DCHS2: variants seen among roughly 807,000 people sequenced by gnomAD.
The protein encoded by DCHS2 is dachsous cadherin-related 2, also known as protocadherin-23.
In DCHS2, 142 loss-of-function variants were observed where a neutral mutation model predicts 182.4. That is an observed-to-expected ratio of 0.78 (90% CI 0.68 to 0.89). DCHS2 has a LOEUF of 0.89. Ranked by LOEUF, DCHS2 falls within the 40% of genes least tolerant of loss-of-function variation. The pLI is 0.00. For synonymous variants in DCHS2, 1,740 were observed against 1,663.3 expected, an observed-to-expected ratio of 1.05 and a Z score of -1.12; for missense variants, 4,319 against 4,198.6, an observed-to-expected ratio of 1.03 and a Z score of -0.79.
intron 15 of DCHS2, among the ~76,000 whole-genome samples, chr4:154,259,189 C>G (rs1560990840): frequency 1.3e-5 from 2 of 152,236 alleles, no homozygotes; most frequent in East Asian, 3.9e-4. Flanking sequence ...TGAAGTCTTA[C>G]ACTCCTCCTT....
intron 1 of DCHS2, among the ~76,000 whole-genome samples, chr4:154,416,006 A>C (rs1230698026): frequency 6.6e-6 from 1 of 152,158 alleles, no homozygotes; most frequent in African/African-American, 2.4e-5. Flanking sequence ...CTGTATACAA[A>C]ATTCTTGCAC....
intron 16 of DCHS2, 118 bp downstream of exon 16, chr4:154,255,401 C>T (rs1732606367): frequency 7.6e-7 from 1 of 1,321,204 alleles, no homozygotes; most frequent in Non-Finnish European, 9.9e-7. Flanking sequence ...CAAGTTGGAT[C>T]AAAGGGATAA....
chr4:154,469,758 G>A (rs1244097811), intron 1 of DCHS2, among the ~76,000 whole-genome samples: 3 of 152,002 alleles, frequency 2.0e-5, no homozygotes, highest in Non-Finnish European at 2.9e-5. Flanking sequence ...TTTCACCTTC[G>A]AAGTCATTCT....
chr4:154,254,943 AAACTT>A (rs1188679998), intron 16 of DCHS2, among the ~76,000 whole-genome samples: 8 of 152,228 alleles, frequency 5.3e-5, no homozygotes, highest in Non-Finnish European at 8.8e-5. Flanking sequence ...AACACCAAGA[AAACTT>A]AAACACTATT....
At chr4:154,255,692 A>C (rs1280974433) in intron 15 of DCHS2, 22 bp from the exon 16 acceptor site, 1 of 1,607,834 alleles carries the variant, frequency 6.2e-7, no homozygotes, top group Non-Finnish European at 8.5e-7. Flanking sequence ...CGACTGTTTC[A>C]TTAGATAAGA....
At chr4:154,288,091 A>G (rs1176981754) in intron 13 of DCHS2, among the ~76,000 whole-genome samples, 1 of 152,124 alleles carries the variant, frequency 6.6e-6, no homozygotes, top group African/African-American at 2.4e-5. Context: ...ATAACACTGA[A>G]TGTAACTGGA....
intron 3 of DCHS2, among the ~76,000 whole-genome samples, chr4:154,362,288 A>G (rs1730159897): frequency 6.6e-6 from 1 of 152,198 alleles, no homozygotes; most frequent in Non-Finnish European, 1.5e-5. Context: ...ACGTGGGGAT[A>G]GGCCATAGAG....
At chr4:154,346,944 A>G (rs769274980) in intron 3 of DCHS2, among the ~76,000 whole-genome samples, 2 of 151,852 alleles carry the variant, frequency 1.3e-5, no homozygotes, top group Non-Finnish European at 2.9e-5. Flanking sequence ...ATTTGTATGT[A>G]TCTAACTCTT....
intron 13 of DCHS2, among the ~76,000 whole-genome samples, chr4:154,279,961 G>C (rs1561007560): frequency 6.6e-6 from 1 of 151,714 alleles, no homozygotes; most frequent in Non-Finnish European, 1.5e-5. Context: ...TAATAAAATT[G>C]GCAAAGCCTT....
chr4:154,255,508 C>T lies in DCHS2; in HGVS notation c.6941+11G>A. On this transcript the variant is annotated intron_variant, in intron 16 of 19. Transcript: ENST00000357232. ...ATAAATGGAGCCAATGGATCTGAAC[C>T]CTGGACCAACCTGTAGGAGCTGGTG... is the stretch of plus-strand genomic sequence containing the variant. 6.2e-7 allele frequency: 1 copy of T among 1,612,230 alleles called. No homozygotes were observed. Among genetic ancestry groups the T allele is most frequent in the South Asian group, 1.1e-5 (1 of 90,530 alleles).
rs867130779 is a variant in DCHS2, at chr4:154,370,283, G to A, written c.2245-3842C>T. On this transcript the variant is annotated intron_variant, in intron 2 of 19. Transcript: ENST00000357232. Reference sequence around the variant, plus strand: ...AATAAAGAATCCCAGGTTATGGCACGACAGTAACCATGTAGAGAAAAGCAG... The same window carrying A: ...AATAAAGAATCCCAGGTTATGGCACAACAGTAACCATGTAGAGAAAAGCAG... Among the ~76,000 whole-genome samples, 5 of 152,100 alleles carry A rather than the reference G, an allele frequency of 3.3e-5. No individual in the cohort carries two copies. The South Asian group carries it at 6.2e-4, about 19-fold the overall frequency.
In DCHS2 at chr4:154,489,727, A is replaced by T. The variant is rs909327224; in HGVS notation, c.1629T>A (p.His543Gln). Residue 543 changes from histidine to glutamine, a missense_variant, in exon 1 of 20, where the codon CAT becomes CAA. Coordinates refer to ENST00000357232, the MANE Select transcript of DCHS2 (RefSeq NM_001358235.2). ...NDQPPLFSQQHYKASVSEAAA... is the reference protein window; with the variant it reads ...NDQPPLFSQQQYKASVSEAAA... ...CGGCCTCGGACACTGAGGCCTTGTA[A>T]TGCTGTTGGCTGAAGAGAGGTGGTT... The T allele has an allele frequency of 2.1e-5, 32 of 1,551,482 alleles. No homozygotes were observed. In the Admixed American group the frequency reaches 6.1e-4, roughly 29 times the overall value.
intron 13 of DCHS2, among the ~76,000 whole-genome samples, chr4:154,271,029 A>G (rs555758812): frequency 2.0e-4 from 30 of 152,254 alleles, no homozygotes; most frequent in African/African-American, 7.0e-4. Flanking sequence ...GACAAAAGAG[A>G]AGGAAGTCAT....
chr4:154,488,420 T>C (rs960970584), intron 1 of DCHS2, among the ~76,000 whole-genome samples: 2 of 152,112 alleles, frequency 1.3e-5, no homozygotes, highest in African/African-American at 4.8e-5. Context: ...TGCTAACTAA[T>C]AAAGATGACT....
chr4:154,298,100 T>C lies in DCHS2; in HGVS notation c.6214A>G (p.Thr2072Ala), dbSNP rs1187369577. The change falls in exon 13 of 20, where the codon ACT becomes GCT. Residue 2072 changes from threonine to alanine, a missense_variant. Coordinates refer to ENST00000357232, the MANE Select transcript of DCHS2 (RefSeq NM_001358235.2). ...GTCTCTGCAAAACTAAAAACCACAGTTCCATTGGGCCCCAAGTCCAGGTCA... is the reference window on the plus strand; with the variant it reads ...GTCTCTGCAAAACTAAAAACCACAGCTCCATTGGGCCCCAAGTCCAGGTCA... ...ADDLDLGPNG[T>A]VVFSFAETQS... The C allele has an allele frequency of 6.2e-7, 1 of 1,614,102 alleles. No individual in the cohort carries two copies. The highest frequency in any genetic ancestry group is 8.5e-7 in the Non-Finnish European group (1 of 1,180,026).
chr4:154,315,606 T>C, intron 10 of DCHS2, 142 bp downstream of exon 10: 2 of 1,254,974 alleles, frequency 1.6e-6, no homozygotes, highest in Admixed American at 2.7e-5. Flanking sequence ...TCTGTGTGGA[T>C]GCAAATGAAA....
chr4:154,341,091 G>A (rs1006130575), intron 3 of DCHS2, among the ~76,000 whole-genome samples: 1 of 152,146 alleles, frequency 6.6e-6, no homozygotes, highest in Admixed American at 6.5e-5. Context: ...GTTTTCGCCC[G>A]GGCGCGGTGG....
chr4:154,417,194 TGTGTGTGTGTGAGA>T (rs1187078523), intron 1 of DCHS2, among the ~76,000 whole-genome samples: 39 of 91,630 alleles, frequency 4.3e-4, no homozygotes, highest in Admixed American at 9.4e-4. Context: ...TGTGTGTGTG[TGTGTGTGTGTGAGA>T]GAGAGAGAGA....
At chr4:154,442,852 T>C (rs1054518005) in intron 1 of DCHS2, among the ~76,000 whole-genome samples, 7 of 152,048 alleles carry the variant, frequency 4.6e-5, no homozygotes, top group African/African-American at 1.4e-4. Flanking sequence ...CTTATCTGCA[T>C]AGATAACTCA....
Sources: allele counts gnomAD v4.1 joint callset (sites outside exome capture counted in the v4.1 genomes callset), GRCh38; gene constraint gnomAD v4.1.1; transcripts MANE v1.5; gene names NCBI Gene and HGNC (gene_info 2026-07-23, HGNC 2026-07-21).